PTPRR: variants seen among roughly 807,000 people sequenced by gnomAD.
The protein encoded by PTPRR is receptor-type tyrosine-protein phosphatase R.
PTPRR carries 38 observed loss-of-function variants against 77.2 expected under a neutral mutation model. That is an observed-to-expected ratio of 0.49 (90% CI 0.38 to 0.65). The LOEUF (loss-of-function observed/expected upper bound fraction) is 0.65. Among genes scored for constraint, PTPRR ranks in the 30% least tolerant of loss-of-function variants. The pLI is 0.00. For missense variants in PTPRR, 744 were observed against 799.2 expected (o/e 0.93, Z 0.83); for synonymous variants, 299 against 283.1 (o/e 1.06, Z -0.57).
At chr12:70,897,818 T>A (rs1006207387) in intron 1 of PTPRR, among the ~76,000 whole-genome samples, 17 of 152,080 alleles carry the variant, frequency 1.1e-4, no homozygotes, top group Middle Eastern at 3.4e-3. Flanking sequence ...TGGAATACTA[T>A]GCAGCCATAA....
At chr12:70,778,908 C>T (rs1346374655) in intron 2 of PTPRR, among the ~76,000 whole-genome samples, 7 of 152,144 alleles carry the variant, frequency 4.6e-5, no homozygotes, top group African/African-American at 1.2e-4. Context: ...TGCAGTGGCA[C>T]GATCTCAGCT....
chr12:70,704,017 A>G (rs1245542095), intron 6 of PTPRR, among the ~76,000 whole-genome samples: 1 of 152,240 alleles, frequency 6.6e-6, no homozygotes, highest in African/African-American at 2.4e-5. Context: ...GCATAGAAGC[A>G]GTTTGAGCTA....
At chr12:70,872,427 G>A (rs1892974227) in intron 2 of PTPRR, among the ~76,000 whole-genome samples, 6 of 151,872 alleles carry the variant, frequency 4.0e-5, no homozygotes, top group Admixed American at 3.3e-4. Context: ...CGCTTGCGGT[G>A]GCTCACACCT....
chr12:70,902,993 T>C (rs887581456), intron 1 of PTPRR, among the ~76,000 whole-genome samples: 2 of 151,808 alleles, frequency 1.3e-5, no homozygotes, highest in Non-Finnish European at 2.9e-5. Flanking sequence ...GAGGACATTA[T>C]GCTGAGTGAA....
intron 10 of PTPRR, among the ~76,000 whole-genome samples, chr12:70,668,554 T>C (rs1481672156): frequency 2.0e-5 from 3 of 152,214 alleles, no homozygotes; most frequent in Admixed American, 6.5e-5. Context: ...AGAGAAGATA[T>C]ATTTTCATTT....
At chr12:70,905,414 T>C (rs1486305306) in intron 1 of PTPRR, among the ~76,000 whole-genome samples, 3 of 151,894 alleles carry the variant, frequency 2.0e-5, no homozygotes, top group Non-Finnish European at 2.9e-5. Flanking sequence ...TTTCCCTACC[T>C]GTGAGGGATA....
At chr12:70,753,405 A>G (rs76429448) in intron 5 of PTPRR, among the ~76,000 whole-genome samples, 3,927 of 152,264 alleles carry the variant, frequency 0.026, 56 homozygotes, top group Middle Eastern at 0.054. Context: ...CATAGCTCAC[A>G]GGGAAAAAGG....
intron 2 of PTPRR, among the ~76,000 whole-genome samples, chr12:70,816,955 C>A (rs1891913650): frequency 6.6e-6 from 1 of 151,992 alleles, no homozygotes; most frequent in South Asian, 2.1e-4. Flanking sequence ...ATGAATTCTG[C>A]AATATTTATA....
chr12:70,861,248 A>T lies in PTPRR; in HGVS notation c.357+31431T>A, dbSNP rs905497666. Among the ~76,000 whole-genome samples, 3 of 152,142 alleles carry T rather than the reference A, an allele frequency of 2.0e-5. 1 individual carries two copies. The highest frequency in any genetic ancestry group is 7.2e-5 in the African/African-American group (3 of 41,428). ...GATGCTCACATGGGGAGAAGATTCC[A>T]GCTAAGGAGAAAGACAGAGTATCTC... On this transcript the variant is annotated intron_variant, in intron 2 of 13. Coordinates refer to ENST00000283228, the MANE Select transcript of PTPRR (RefSeq NM_002849.4).
intron 2 of PTPRR, among the ~76,000 whole-genome samples, chr12:70,868,239 A>G (rs1045908220): frequency 7.9e-5 from 12 of 152,008 alleles, no homozygotes; most frequent in Non-Finnish European, 1.5e-4. Flanking sequence ...CTACCATCAG[A>G]GTGAGCAGGC....
At chr12:70,774,499 C>G (rs1891048601) in intron 2 of PTPRR, among the ~76,000 whole-genome samples, 1 of 152,180 alleles carries the variant, frequency 6.6e-6, no homozygotes, top group South Asian at 2.1e-4. Context: ...ACATTTGAAA[C>G]AGAAATTTAG....
chr12:70,639,565 T>G (rs1186286019), intron 13 of PTPRR: 6 of 1,088,596 alleles, frequency 5.5e-6, no homozygotes, highest in South Asian at 2.9e-5. Flanking sequence ...GATCAAGTAC[T>G]TGGATTTGGC....
At chr12:70,761,260 C>A (rs1457322131) in intron 4 of PTPRR, among the ~76,000 whole-genome samples, 1 of 151,932 alleles carries the variant, frequency 6.6e-6, no homozygotes, top group Non-Finnish European at 1.5e-5. Flanking sequence ...AAGAAAAATG[C>A]CAAAAAGTGA....
chr12:70,859,758 T>C (rs1311215889), intron 2 of PTPRR, among the ~76,000 whole-genome samples: 1 of 152,018 alleles, frequency 6.6e-6, no homozygotes, highest in Non-Finnish European at 1.5e-5. Flanking sequence ...ATCCTGGCAC[T>C]GGGTAAACAC....
intron 1 of PTPRR, among the ~76,000 whole-genome samples, chr12:70,900,003 T>G (rs542849111): frequency 4.6e-5 from 7 of 151,518 alleles, no homozygotes; most frequent in African/African-American, 1.7e-4. Context: ...CTGAAAACTA[T>G]AAAATGTTGA....
At chr12:70,712,616 T>C (rs1888866645) in intron 6 of PTPRR, among the ~76,000 whole-genome samples, 1 of 151,568 alleles carries the variant, frequency 6.6e-6, no homozygotes, top group Admixed American at 6.6e-5. Flanking sequence ...GATAGACTGG[T>C]AAAAAATAAG....
At chr12:70,777,758 C>T (rs1316706134) in intron 2 of PTPRR, among the ~76,000 whole-genome samples, 1 of 152,136 alleles carries the variant, frequency 6.6e-6, no homozygotes, top group Non-Finnish European at 1.5e-5. Flanking sequence ...AATGGTGGAG[C>T]TACACAAAGG....
intron 12 of PTPRR, among the ~76,000 whole-genome samples, chr12:70,658,178 T>G (rs1367157681): frequency 6.6e-6 from 1 of 152,204 alleles, no homozygotes; most frequent in Non-Finnish European, 1.5e-5. Context: ...TGTTTGGGCT[T>G]TTGGTTTTCC....
chr12:70,666,935 GTTTTTTTTTTTTTTTT>G (rs142691396), intron 10 of PTPRR, among the ~76,000 whole-genome samples: 17 of 29,046 alleles, frequency 5.9e-4, no homozygotes, highest in South Asian at 2.7e-3. Flanking sequence ...GTGTTTTTCT[GTTTTTTTTTTTTTTTT>G]TTTTTTTTTT....
Sources: allele counts gnomAD v4.1 joint callset (sites outside exome capture counted in the v4.1 genomes callset), GRCh38; gene constraint gnomAD v4.1.1; transcripts MANE v1.5; gene names NCBI Gene and HGNC (gene_info 2026-07-23, HGNC 2026-07-21).